DAB1: variants seen among roughly 807,000 people sequenced by gnomAD.
DAB1 encodes the protein DAB adaptor protein 1.
DAB1 carries 15 observed loss-of-function variants against 64.6 expected under a neutral mutation model. The observed-to-expected ratio is 0.23, with a 90% CI of 0.16 to 0.36. The LOEUF (loss-of-function observed/expected upper bound fraction) is 0.36. Ranked by LOEUF, DAB1 falls within the 10% of genes least tolerant of loss-of-function variation. The pLI is 1.00. For missense variants in DAB1, 596 were observed against 706.7 expected (o/e 0.84, Z 1.78); for synonymous variants, 235 against 251.9 (o/e 0.93, Z 0.64).
intron 7 of DAB1, among the ~76,000 whole-genome samples, chr1:57,620,365 G>A (rs1244566211): frequency 6.6e-6 from 1 of 152,212 alleles, no homozygotes; most frequent in African/African-American, 2.4e-5. Context: ...AGGGTTAAAC[G>A]AGAATGATAG....
At chr1:57,866,113 T>A (rs1654289800) in intron 1 of DAB1, among the ~76,000 whole-genome samples, 1 of 152,212 alleles carries the variant, frequency 6.6e-6, no homozygotes, top group Non-Finnish European at 1.5e-5. Context: ...TTCTTGCCAC[T>A]ATTTCTTCAT....
chr1:57,287,320 C>T (rs1324249228), intron 2 of DAB1, among the ~76,000 whole-genome samples: 1 of 152,180 alleles, frequency 6.6e-6, no homozygotes, highest in Non-Finnish European at 1.5e-5. Flanking sequence ...AGCGATCCAC[C>T]CACCTTAGCC....
At chr1:57,953,020 C>T (rs1645310626) in intron 5 of DAB1, among the ~76,000 whole-genome samples, 1 of 152,206 alleles carries the variant, frequency 6.6e-6, no homozygotes, top group South Asian at 2.1e-4. Context: ...CTTCAAATGA[C>T]AGTCACTCCC....
intron 5 of DAB1, among the ~76,000 whole-genome samples, chr1:57,978,085 C>T (rs1000313163): frequency 6.6e-5 from 10 of 151,992 alleles, no homozygotes; most frequent in Admixed American, 2.0e-4. Context: ...CATATGGAAC[C>T]GAAAAAGAGC....
chr1:57,822,613 G>A (rs539047634), downstream of DAB1, among the ~76,000 whole-genome samples: 2 of 152,266 alleles, frequency 1.3e-5, no homozygotes, highest in East Asian at 3.9e-4. Flanking sequence ...TTGCATGAAA[G>A]TCCAGATAAA....
intron 4 of DAB1, among the ~76,000 whole-genome samples, chr1:58,238,947 T>C (rs1464562412): frequency 6.6e-6 from 1 of 152,150 alleles, no homozygotes; most frequent in African/African-American, 2.4e-5. Flanking sequence ...ACCATATGCA[T>C]AGAGAGTAAC....
chr1:57,605,136 C>A (rs1645621162), intron 7 of DAB1, among the ~76,000 whole-genome samples: 2 of 152,114 alleles, frequency 1.3e-5, no homozygotes, highest in South Asian at 2.1e-4. Flanking sequence ...GACAATGAAT[C>A]CTGAGTTGAA....
At chr1:57,396,982 A>G (rs867184685) in intron 1 of DAB1, among the ~76,000 whole-genome samples, 1 of 152,216 alleles carries the variant, frequency 6.6e-6, no homozygotes, top group African/African-American at 2.4e-5. Context: ...ATATAGTAAT[A>G]ATATTTTATA....
At chr1:57,864,614 A>T (rs1281201755) in intron 1 of DAB1, 1 of 151,892 alleles carries the variant, frequency 6.6e-6, no homozygotes. Flanking sequence ...TTAACCTCAC[A>T]GTTATGTGTA....
At chr1:57,858,006 C>CTAA (rs1252426158) in intron 1 of DAB1, among the ~76,000 whole-genome samples, 1 of 151,136 alleles carries the variant, frequency 6.6e-6, no homozygotes, top group African/African-American at 2.4e-5. Context: ...TGACACACAG[C>CTAA]TAATAGTGAG....
intron 1 of DAB1, among the ~76,000 whole-genome samples, chr1:57,389,950 A>G (rs967519487): frequency 4.6e-5 from 7 of 152,226 alleles, no homozygotes; most frequent in African/African-American, 1.7e-4. Context: ...AAACATAAAT[A>G]TGTCAAGTAA....
intron 4 of DAB1, among the ~76,000 whole-genome samples, chr1:58,155,282 AT>A (rs1655161246): frequency 6.6e-6 from 1 of 152,184 alleles, no homozygotes; most frequent in Non-Finnish European, 1.5e-5. Flanking sequence ...ACCAGGGGTG[AT>A]TTTGCCCTCC....
Position 57,452,975 on chromosome 1 carries a change from C to T in DAB1, n.626-161809G>A, listed in dbSNP as rs536979888. ...GAGGAAGACAGAAAGGAAGAAAAGG[C>T]AGAGTGAAAAGGAAGAAAGAAAAGA... is the stretch of plus-strand genomic sequence containing the variant. On this transcript the variant is annotated intron_variant and non_coding_transcript_variant, in intron 7 of 20. Coordinates refer to the DAB1 transcript ENST00000485760. Among the ~76,000 whole-genome samples the T allele has an allele frequency of 2.0e-5, 3 of 148,356 alleles. No homozygotes were observed. The East Asian group carries it at 5.9e-4, about 29-fold the overall frequency.
At chr1:57,667,211 T>A (rs986473938) in intron 6 of DAB1, among the ~76,000 whole-genome samples, 1 of 152,208 alleles carries the variant, frequency 6.6e-6, no homozygotes, top group African/African-American at 2.4e-5. Flanking sequence ...ATCTTCATTA[T>A]TGGAGGATCT....
At chr1:57,694,505 T>C (rs1646801245) in intron 6 of DAB1, among the ~76,000 whole-genome samples, 1 of 152,022 alleles carries the variant, frequency 6.6e-6, no homozygotes, top group Admixed American at 6.6e-5. Context: ...AATTTAGAGA[T>C]ATAGAGGTAA....
At chr1:57,521,936 C>A (rs965657319) in intron 7 of DAB1, among the ~76,000 whole-genome samples, 3 of 152,038 alleles carry the variant, frequency 2.0e-5, no homozygotes, top group African/African-American at 7.3e-5. Flanking sequence ...ATGGCGAAAC[C>A]CCGTCTCTAG....
intron 1 of DAB1, among the ~76,000 whole-genome samples, chr1:57,882,515 T>C (rs1644160216): frequency 6.6e-6 from 1 of 152,210 alleles, no homozygotes; most frequent in African/African-American, 2.4e-5. Flanking sequence ...TTTTGGCTAA[T>C]TTTTCCCCTC....
At chr1:58,283,057 A>AT (rs202220569) in intron 4 of DAB1, among the ~76,000 whole-genome samples, 3 of 151,474 alleles carry the variant, frequency 2.0e-5, no homozygotes, top group Non-Finnish European at 2.9e-5. Flanking sequence ...AGTAGACAGA[A>AT]TTTTTTTTAA....
chr1:58,088,480 CTTTAA>C (rs1179692890), intron 5 of DAB1, among the ~76,000 whole-genome samples: 1 of 152,170 alleles, frequency 6.6e-6, no homozygotes, highest in Non-Finnish European at 1.5e-5. Context: ...TTCATATCTT[CTTTAA>C]TTTTGGGGAA....
Sources: allele counts gnomAD v4.1 joint callset (sites outside exome capture counted in the v4.1 genomes callset), GRCh38; gene constraint gnomAD v4.1.1; transcripts MANE v1.5; gene names NCBI Gene and HGNC (gene_info 2026-07-23, HGNC 2026-07-21).